Variants in NAALADL2 observed in about 807,000 individuals in gnomAD.
NAALADL2 encodes inactive N-acetylated-alpha-linked acidic dipeptidase-like protein 2.
Under a neutral mutation model 87.2 loss-of-function variants are expected in NAALADL2, and 76 were observed. The observed-to-expected ratio is 0.87, with a 90% CI of 0.72 to 1.05. The LOEUF is 1.05. Ranked by LOEUF, NAALADL2 falls within the 50% of genes least tolerant of loss-of-function variation. The pLI, the probability that NAALADL2 is intolerant of heterozygous loss-of-function variation, is 0.00. For missense variants in NAALADL2, 1,089 were observed against 945.8 expected (o/e 1.15, Z -1.99); for synonymous variants, 354 against 331.0 (o/e 1.07, Z -0.75).
chr3:174,931,355 C>T (rs1479752223), intron 1 of NAALADL2, among the ~76,000 whole-genome samples: 2 of 151,968 alleles, frequency 1.3e-5, no homozygotes, highest in African/African-American at 4.8e-5. Context: ...ACTATGTGAC[C>T]CAGAGGAAAT....
intron 11 of NAALADL2, among the ~76,000 whole-genome samples, chr3:175,730,458 G>GCA (rs1227792091): frequency 3.3e-5 from 2 of 60,824 alleles, no homozygotes; most frequent in South Asian, 6.9e-4. Context: ...ACATACACAC[G>GCA]CACACACACA....
chr3:174,901,709 A>G lies in NAALADL2; in HGVS notation c.43+42259A>G, dbSNP rs140794566. 3.4e-3 allele frequency among the ~76,000 whole-genome samples: 519 copies of G among 152,296 alleles called. 3 individuals carry two copies. Among genetic ancestry groups the G allele is most frequent in the African/African-American group, 0.012 (496 of 41,574 alleles). The stretch of plus-strand genomic sequence containing the variant: ...CCATTTCCAGTCAGGTCAGAAAGAA[A>G]GAATACTGGAGGTTATGGATGGTGA... On this transcript the variant is annotated intron_variant, in intron 1 of 13. Transcript: ENST00000454872.
intron 1 of NAALADL2, among the ~76,000 whole-genome samples, chr3:174,549,809 C>A (rs980130863): frequency 2.6e-5 from 4 of 152,146 alleles, no homozygotes; most frequent in African/African-American, 4.8e-5. Flanking sequence ...GCCAATCTCT[C>A]AGGAACCCCT....
intron 9 of NAALADL2, among the ~76,000 whole-genome samples, chr3:175,496,678 C>T (rs940850953): frequency 1.3e-5 from 2 of 151,976 alleles, no homozygotes; most frequent in Non-Finnish European, 2.9e-5. Context: ...CCTCAACCTT[C>T]GAGTAGGTGG....
intron 11 of NAALADL2, among the ~76,000 whole-genome samples, chr3:175,697,911 G>T: frequency 1.9e-5 from 1 of 52,760 alleles, no homozygotes; most frequent in East Asian, 5.4e-4. Context: ...ACATATATAT[G>T]TGTATATATG....
chr3:174,711,930 G>C (rs567179553), intron 2 of NAALADL2, among the ~76,000 whole-genome samples: 2 of 152,220 alleles, frequency 1.3e-5, no homozygotes, highest in African/African-American at 4.8e-5. Flanking sequence ...CTCCCGAGTA[G>C]CTGGGACTAC....
At chr3:175,483,805 T>C (rs1726856328) in intron 9 of NAALADL2, among the ~76,000 whole-genome samples, 1 of 152,128 alleles carries the variant, frequency 6.6e-6, no homozygotes, top group Admixed American at 6.6e-5. Context: ...AAAATAAGTA[T>C]TAGTTTGACG....
At chr3:175,374,591 T>C (rs908246529) in intron 5 of NAALADL2, among the ~76,000 whole-genome samples, 4 of 126,014 alleles carry the variant, frequency 3.2e-5, no homozygotes, top group African/African-American at 1.2e-4. Flanking sequence ...AAAAAGAAAG[T>C]TATATAGGCC....
In NAALADL2 at chr3:174,573,473, C is replaced by G. The variant is rs1033404804; in HGVS notation, c.-115+22836C>G. ...CATGGTGTAAATATTCCTACTGTCT[C>G]AGTCCATTTTTGTGTTGCTGTAAAG... On this transcript the variant is annotated intron_variant, in intron 2 of 3. Transcript: ENST00000434257. Among the ~76,000 whole-genome samples, 3 of 152,088 alleles carry G rather than the reference C, an allele frequency of 2.0e-5. 1 individual carries two copies. The highest frequency in any genetic ancestry group is 4.4e-5 in the Non-Finnish European group (3 of 68,002).
intron 1 of NAALADL2, among the ~76,000 whole-genome samples, chr3:174,927,514 C>T (rs971583565): frequency 2.0e-5 from 3 of 152,158 alleles, no homozygotes; most frequent in Non-Finnish European, 4.4e-5. Context: ...CTGTCTCTCA[C>T]ATCACAGCAC....
chr3:175,439,925 A>G (rs1336791842), intron 5 of NAALADL2, among the ~76,000 whole-genome samples: 1 of 151,700 alleles, frequency 6.6e-6, no homozygotes, highest in African/African-American at 2.4e-5. Flanking sequence ...TTTTTGTTAC[A>G]TTTGCTTTTG....
intron 2 of NAALADL2, among the ~76,000 whole-genome samples, chr3:174,632,980 T>C (rs1212983308): frequency 6.7e-6 from 1 of 148,422 alleles, no homozygotes; most frequent in South Asian, 2.1e-4. Flanking sequence ...ATCAGCGCAA[T>C]TGCTGGCTCA....
chr3:175,570,017 C>G (rs560409669), intron 9 of NAALADL2, among the ~76,000 whole-genome samples: 1 of 152,068 alleles, frequency 6.6e-6, no homozygotes, highest in Non-Finnish European at 1.5e-5. Context: ...TGGAAAGATA[C>G]AGAGCTAAGA....
At chr3:175,195,425 G>A (rs1360988198) in intron 2 of NAALADL2, among the ~76,000 whole-genome samples, 9 of 151,826 alleles carry the variant, frequency 5.9e-5, no homozygotes, top group Non-Finnish European at 1.2e-4. Flanking sequence ...TGGATCAGGT[G>A]GTGAGGAGGG....
intron 11 of NAALADL2, among the ~76,000 whole-genome samples, chr3:175,632,274 C>G (rs1727882583): frequency 1.4e-5 from 1 of 73,584 alleles, no homozygotes; most frequent in Non-Finnish European, 2.6e-5. Context: ...CCTTCTCTCT[C>G]TCTCTCTCTC....
At chr3:175,180,974 A>G (rs892754226) in intron 2 of NAALADL2, among the ~76,000 whole-genome samples, 2 of 152,034 alleles carry the variant, frequency 1.3e-5, no homozygotes, top group African/African-American at 2.4e-5. Flanking sequence ...AGTTTTGTTA[A>G]TAACTGTGCT....
intron 3 of NAALADL2, among the ~76,000 whole-genome samples, chr3:174,823,732 T>C (rs890671817): frequency 1.1e-4 from 17 of 152,298 alleles, no homozygotes; most frequent in Non-Finnish European, 1.9e-4. Context: ...TTTTGGGTTT[T>C]ATTTTAATCT....
chr3:174,720,243 A>AT (rs1483216839), intron 2 of NAALADL2, among the ~76,000 whole-genome samples: 1 of 152,176 alleles, frequency 6.6e-6, no homozygotes, highest in Admixed American at 6.5e-5. Context: ...AATGTGATTT[A>AT]TTTTTTAAAG....
chr3:175,139,864 G>A lies in NAALADL2; in HGVS notation c.545+42573G>A, dbSNP rs867859898. ...GCAAAACACGCAACTCTAACAAAGGGGTACCAACTGATAAAAATTTTGACA... is the reference window on the plus strand; with the variant it reads ...GCAAAACACGCAACTCTAACAAAGGAGTACCAACTGATAAAAATTTTGACA... On this transcript the variant is annotated intron_variant, in intron 2 of 13. Coordinates refer to ENST00000454872, the MANE Select transcript of NAALADL2 (RefSeq NM_207015.3). 5.8e-4 allele frequency among the ~76,000 whole-genome samples: 88 copies of A among 152,008 alleles called. 1 individual carries two copies. The highest frequency in any genetic ancestry group is 4.6e-4 in the African/African-American group (19 of 41,386).
Sources: gnomAD v4.1 joint callset for allele counts (sites outside exome capture counted in the v4.1 genomes callset) on GRCh38, gnomAD v4.1.1 for gene constraint, MANE v1.5 for transcripts, NCBI Gene and HGNC (gene_info 2026-07-23, HGNC 2026-07-21) for gene names.